Variants in PARD3B observed in about 807,000 individuals in gnomAD.
PARD3B encodes partitioning defective 3 homolog B.
In PARD3B, 103 loss-of-function variants were observed where a neutral mutation model predicts 130.2. The ratio of observed to expected loss-of-function variants is 0.79; its 90% CI spans 0.67 to 0.93. PARD3B has a LOEUF of 0.93. Among genes scored for constraint, PARD3B ranks in the 40% least tolerant of loss-of-function variants. The pLI, the probability that PARD3B is intolerant of heterozygous loss-of-function variation, is 0.00. For missense variants in PARD3B, 1,609 were observed against 1,499.2 expected, an observed-to-expected ratio of 1.07 and a Z score of -1.21; for synonymous variants, 583 against 553.2, an observed-to-expected ratio of 1.05 and a Z score of -0.76.
intron 10 of PARD3B, among the ~76,000 whole-genome samples, chr2:205,141,497 A>C (rs1377856595): frequency 6.6e-6 from 1 of 152,212 alleles, no homozygotes; most frequent in Non-Finnish European, 1.5e-5. Context: ...ACCAGCTGTC[A>C]TAATAAAGTA....
At chr2:204,666,095 A>G (rs1440739443) in intron 1 of PARD3B, among the ~76,000 whole-genome samples, 2 of 152,174 alleles carry the variant, frequency 1.3e-5, no homozygotes, top group African/African-American at 4.8e-5. Flanking sequence ...AGCCCAGGCA[A>G]TCTTTATAAT....
At chr2:204,654,863 T>G (rs536899024) in intron 1 of PARD3B, among the ~76,000 whole-genome samples, 72 of 152,314 alleles carry the variant, frequency 4.7e-4, no homozygotes, top group African/African-American at 1.7e-3. Flanking sequence ...TAAAGAAACT[T>G]TCTTAAACAG....
At chr2:204,853,408 A>C (rs992157376) in intron 2 of PARD3B, among the ~76,000 whole-genome samples, 1 of 152,218 alleles carries the variant, frequency 6.6e-6, no homozygotes, top group Non-Finnish European at 1.5e-5. Context: ...TGAATGTGTG[A>C]AAGTGAAGAC....
chr2:205,559,065 G>GT (rs1019094891), intron 22 of PARD3B, among the ~76,000 whole-genome samples: 1 of 152,138 alleles, frequency 6.6e-6, no homozygotes, highest in Admixed American at 6.5e-5. Flanking sequence ...GATGAGAATA[G>GT]TTTTTTTGGT....
intron 2 of PARD3B, among the ~76,000 whole-genome samples, chr2:204,903,630 T>G (rs1171385141): frequency 6.6e-6 from 1 of 152,266 alleles, no homozygotes. Flanking sequence ...CCTGAAAAAT[T>G]TCCTCATTCT....
At chr2:205,027,279 T>C (rs902611492) in intron 3 of PARD3B, among the ~76,000 whole-genome samples, 2 of 152,126 alleles carry the variant, frequency 1.3e-5, no homozygotes, top group Non-Finnish European at 2.9e-5. Flanking sequence ...TGATATCTCA[T>C]TGTGGTTTTG....
intron 19 of PARD3B, among the ~76,000 whole-genome samples, chr2:205,411,479 A>G (rs1474212841): frequency 6.6e-6 from 1 of 152,176 alleles, no homozygotes; most frequent in Non-Finnish European, 1.5e-5. Context: ...CTCATGTGTT[A>G]AATGAGAAAC....
intron 15 of PARD3B, among the ~76,000 whole-genome samples, chr2:205,210,952 AATAG>A (rs1471098834): frequency 2.6e-5 from 4 of 152,210 alleles, no homozygotes; most frequent in Admixed American, 1.3e-4. Flanking sequence ...CACAGGGGAA[AATAG>A]ATACTTTGCT....
At chr2:205,248,601 CTTTTTTTTTTTTT>C (rs762295338) in intron 16 of PARD3B, among the ~76,000 whole-genome samples, 2 of 84,674 alleles carry the variant, frequency 2.4e-5, no homozygotes, top group African/African-American at 9.6e-5. Flanking sequence ...TCTCACCATT[CTTTTTTTTTTTTT>C]TTTTTTTTTT....
chr2:204,863,514 C>G (rs1222751329), intron 2 of PARD3B, among the ~76,000 whole-genome samples: 1 of 152,154 alleles, frequency 6.6e-6, no homozygotes, highest in African/African-American at 2.4e-5. Flanking sequence ...ATTGTCACAG[C>G]TTTGGTATTT....
Position 205,440,007 on chromosome 2 carries a change from C to T in PARD3B, c.2742-363C>T, listed in dbSNP as rs2047655373. On this transcript the variant is annotated intron_variant, in intron 19 of 22. Coordinates refer to ENST00000406610, the MANE Select transcript of PARD3B (RefSeq NM_001302769.2). This position sits in a 1 kb window ranked among gnomAD's most constrained non-coding sequence, Gnocchi z 4.2. ...GAGTTTGTTAACATGCATCCCTGTC[C>T]CAAGAAAGGCTTCTATAATATCGAA... Among the ~76,000 whole-genome samples the T allele has an allele frequency of 6.6e-6, 1 of 152,070 alleles. No homozygotes were observed. Among genetic ancestry groups the T allele is most frequent in the Non-Finnish European group, 1.5e-5 (1 of 68,018 alleles).
intron 3 of PARD3B, among the ~76,000 whole-genome samples, chr2:204,984,944 A>G (rs983683483): frequency 7.2e-6 from 1 of 139,600 alleles, no homozygotes; most frequent in Non-Finnish European, 1.6e-5. Context: ...ACTTCAAGGT[A>G]TCTTAATTCA....
Position 205,176,454 on chromosome 2 carries a change from G to C in PARD3B, c.1801G>C (p.Glu601Gln). Residue 601 changes from glutamate (E) to glutamine (Q), a missense_variant, in exon 13 of 23, where the codon GAG (glutamate) becomes CAG (glutamine). By Grantham distance (29) the Glu-to-Gln change is conservative. Coordinates refer to ENST00000406610, the MANE Select transcript of PARD3B (RefSeq NM_001302769.2). The surrounding 1 kb of genome is among the most constrained non-coding windows in gnomAD (Gnocchi z 5.3). ...TACTTTTATCTCTTAGGATCCTGCA[G>C]AGTGTGGGGCATTTTCCAAGCCATG... is the stretch of plus-strand genomic sequence containing the variant. Reference protein sequence around the residue: ...RPERPMEDPAECGAFSKPCFE... With the variant: ...RPERPMEDPAQCGAFSKPCFE... 6 of 1,604,910 alleles carry C rather than the reference G, an allele frequency of 3.7e-6. No individual in the cohort carries two copies. Among genetic ancestry groups the C allele is most frequent in the Non-Finnish European group, 5.1e-6 (6 of 1,177,270 alleles).
chr2:204,990,101 A>G (rs1693524323), intron 3 of PARD3B, among the ~76,000 whole-genome samples: 1 of 152,044 alleles, frequency 6.6e-6, no homozygotes, highest in Non-Finnish European at 1.5e-5. Context: ...TAGATTTTAA[A>G]TTTTCGCCAA....
At chr2:204,834,650 TC>T (rs1264300784) in intron 2 of PARD3B, among the ~76,000 whole-genome samples, 2 of 152,186 alleles carry the variant, frequency 1.3e-5, no homozygotes, top group African/African-American at 4.8e-5. Flanking sequence ...GGAATACAGT[TC>T]CACAATGGGA....
intron 18 of PARD3B, among the ~76,000 whole-genome samples, chr2:205,315,272 C>T (rs1265792351): frequency 6.6e-6 from 1 of 152,182 alleles, no homozygotes; most frequent in African/African-American, 2.4e-5. Flanking sequence ...CCACTCTGTG[C>T]CTCAGTTTCC....
chr2:205,242,296 A>T (rs1158730231), intron 15 of PARD3B, among the ~76,000 whole-genome samples: 1 of 152,222 alleles, frequency 6.6e-6, no homozygotes, highest in Non-Finnish European at 1.5e-5. Flanking sequence ...AATGATAAGT[A>T]TAAGAAATAA....
At chr2:204,649,104 A>G (rs2035392566) in intron 1 of PARD3B, among the ~76,000 whole-genome samples, 1 of 143,874 alleles carries the variant, frequency 7.0e-6, no homozygotes, top group Non-Finnish European at 1.5e-5. Context: ...GCTTTAAAAT[A>G]AGACAATTTT....
rs376888278 is a variant in PARD3B at position 205,069,938 on chromosome 2, C to T, written c.504+22248C>T. Among the ~76,000 whole-genome samples, 34 of 152,280 alleles carry T rather than the reference C, an allele frequency of 2.2e-4. 1 individual carries two copies. The highest frequency in any genetic ancestry group is 1.3e-3 in the Admixed American group (20 of 15,292). On this transcript the variant is annotated intron_variant, in intron 4 of 22. Transcript: ENST00000406610. The stretch of plus-strand genomic sequence containing the variant: ...TATCAAGGCTACTCTTATGCTCATC[C>T]TATGAAAAGTAAGAGTAACAGTTTG...
Sources: gnomAD v4.1 joint callset for allele counts (sites outside exome capture counted in the v4.1 genomes callset) on GRCh38, gnomAD v4.1.1 for gene constraint, Gnocchi (gnomAD v3.1) non-coding constraint, MANE v1.5 for transcripts, NCBI Gene and HGNC (gene_info 2026-07-23, HGNC 2026-07-21) for gene names.